Variants in MAF observed in about 807,000 individuals in gnomAD.
The protein encoded by MAF is transcription factor Maf.
In MAF, 10 loss-of-function variants were observed where a neutral mutation model predicts 22.0. The ratio of observed to expected loss-of-function variants is 0.45; its 90% CI spans 0.28 to 0.77. The LOEUF (loss-of-function observed/expected upper bound fraction) is 0.77. Ranked by LOEUF, MAF falls within the 30% of genes least tolerant of loss-of-function variation. The pLI is 0.12. For synonymous variants in MAF, 337 were observed against 255.8 expected (o/e 1.32, Z -3.03); for missense variants, 544 against 548.4 (o/e 0.99, Z 0.08).
the MAF span, among the ~76,000 whole-genome samples, chr16:79,429,825 C>A: frequency 6.6e-6 from 1 of 152,144 alleles, no homozygotes; most frequent in African/African-American, 2.4e-5. Context: ...CTGTGGTGTA[C>A]GCAACATTCC....
At chr16:79,513,180 G>C in the MAF span, among the ~76,000 whole-genome samples, 8 of 152,376 alleles carry the variant, frequency 5.3e-5, 1 homozygote, top group South Asian at 4.1e-4. Context: ...TATAGCCCGG[G>C]CGACAGCCCC....
At chr16:79,312,119 T>A in the MAF span, among the ~76,000 whole-genome samples, 5 of 150,650 alleles carry the variant, frequency 3.3e-5, no homozygotes, top group African/African-American at 9.8e-5. Context: ...TCTACCCCCT[T>A]CATCATCATC....
At chr16:79,314,820 C>G in the MAF span, among the ~76,000 whole-genome samples, 1 of 152,140 alleles carries the variant, frequency 6.6e-6, no homozygotes, top group Admixed American at 6.5e-5. Context: ...CCTTCCCTTC[C>G]TAGAAGGCAG....
At chr16:79,327,878 A>C in the MAF span, among the ~76,000 whole-genome samples, 2 of 152,130 alleles carry the variant, frequency 1.3e-5, no homozygotes, top group African/African-American at 4.8e-5. Flanking sequence ...TATCCTTTAC[A>C]GAGTGTTCTT....
At chr16:79,404,548 C>T in the MAF span, among the ~76,000 whole-genome samples, 1 of 152,152 alleles carries the variant, frequency 6.6e-6, no homozygotes, top group East Asian at 1.9e-4. Flanking sequence ...TGTCCTGAGA[C>T]CTGCACTTTA....
the MAF span, among the ~76,000 whole-genome samples, chr16:79,419,829 A>G: frequency 6.6e-6 from 1 of 152,056 alleles, no homozygotes. Flanking sequence ...CATCACCATG[A>G]TCTGTTCATC....
the MAF span, among the ~76,000 whole-genome samples, chr16:79,282,883 A>C: frequency 6.6e-6 from 1 of 152,218 alleles, no homozygotes; most frequent in African/African-American, 2.4e-5. Context: ...CCCATTCATT[A>C]ATCCAAAGGG....
the MAF span, among the ~76,000 whole-genome samples, chr16:79,481,586 G>A: frequency 9.9e-5 from 15 of 150,838 alleles, no homozygotes; most frequent in African/African-American, 2.0e-4. Context: ...CAATCTATTC[G>A]CCCATCCATC....
the MAF span, among the ~76,000 whole-genome samples, chr16:79,225,886 C>T: frequency 6.6e-6 from 1 of 152,098 alleles, no homozygotes; most frequent in Non-Finnish European, 1.5e-5. Context: ...AGAACAGATG[C>T]TGGAGAGGAT....
the MAF span, among the ~76,000 whole-genome samples, chr16:79,305,098 C>G: frequency 2.0e-5 from 3 of 152,200 alleles, no homozygotes; most frequent in African/African-American, 7.2e-5. Context: ...ATATCCATTT[C>G]GGCTTGTATT....
the MAF span, among the ~76,000 whole-genome samples, chr16:79,490,817 A>G: frequency 1.3e-5 from 2 of 152,208 alleles, no homozygotes; most frequent in Admixed American, 1.3e-4. Context: ...TGCTATTTCT[A>G]ACTGTCCAGG....
chr16:79,586,028 A>T (rs1912816857), intron 1 of MAF: 2 of 594,002 alleles, frequency 3.4e-6, no homozygotes, highest in Non-Finnish European at 5.9e-6. Flanking sequence ...AGGCAGCCTA[A>T]CTATCTATCA....
chr16:79,407,474 C>T, the MAF span, among the ~76,000 whole-genome samples: 1 of 151,932 alleles, frequency 6.6e-6, no homozygotes, highest in East Asian at 1.9e-4. Context: ...TCCCTCTTTC[C>T]CTCTCTCCCT....
chr16:79,224,659 A>G, the MAF span, among the ~76,000 whole-genome samples: 1 of 152,348 alleles, frequency 6.6e-6, no homozygotes, highest in African/African-American at 2.4e-5. Flanking sequence ...AACTTCAGCA[A>G]AGTCTCAGGA....
At chr16:79,227,329 G>A in the MAF span, among the ~76,000 whole-genome samples, 2 of 151,940 alleles carry the variant, frequency 1.3e-5, no homozygotes, top group Admixed American at 6.6e-5. Flanking sequence ...CTAGCCTGGG[G>A]GACAGAAGGA....
At chr16:79,429,097 T>C in the MAF span, among the ~76,000 whole-genome samples, 15 of 152,220 alleles carry the variant, frequency 9.9e-5, no homozygotes, top group East Asian at 2.9e-3. Flanking sequence ...GGTAATTACG[T>C]TGGGAGCAGG....
the MAF span, among the ~76,000 whole-genome samples, chr16:79,438,821 C>A: frequency 1.3e-5 from 2 of 152,262 alleles, no homozygotes; most frequent in African/African-American, 4.8e-5. Context: ...ATCACAGTAA[C>A]TGGTATTTTT....
chr16:79,500,639 C>G, the MAF span, among the ~76,000 whole-genome samples: 1 of 152,154 alleles, frequency 6.6e-6, no homozygotes, highest in Non-Finnish European at 1.5e-5. Flanking sequence ...TTCTGTTCAT[C>G]TAATCTCTCC....
the MAF span, among the ~76,000 whole-genome samples, chr16:79,557,644 T>G: frequency 6.6e-6 from 1 of 151,974 alleles, no homozygotes; most frequent in Non-Finnish European, 1.5e-5. Flanking sequence ...GTTGCAAAGA[T>G]TAAGTGGGAT....
Sources: allele counts gnomAD v4.1 joint callset (sites outside exome capture counted in the v4.1 genomes callset), GRCh38; gene constraint gnomAD v4.1.1; transcripts MANE v1.5; gene names NCBI Gene and HGNC (gene_info 2026-07-23, HGNC 2026-07-21).